Variants in ELP3 observed in about 807,000 individuals in gnomAD.
The protein encoded by ELP3 is elongator acetyltransferase complex subunit 3, also known as elongator complex protein 3.
A neutral mutation model predicts 74.9 loss-of-function variants in ELP3; 56 were observed. That is an observed-to-expected ratio of 0.75 (90% CI 0.60 to 0.93). The LOEUF is 0.93. Ranked by LOEUF, ELP3 falls within the 40% of genes least tolerant of loss-of-function variation. The pLI, the probability that ELP3 is intolerant of heterozygous loss-of-function variation, is 0.00. For missense variants in ELP3, 573 were observed against 686.5 expected, an observed-to-expected ratio of 0.83 and a Z score of 1.85; for synonymous variants, 222 against 239.8, an observed-to-expected ratio of 0.93 and a Z score of 0.68.
chr8:28,090,482 GGTGTGTGTGTGTGTGTGTGT>G, upstream of ELP3: 2 of 158,730 alleles, frequency 1.3e-5, no homozygotes, highest in Non-Finnish European at 2.6e-5. Context: ...CTGATGGGTG[GGTGTGTGTGTGTGTGTGTGT>G]GTGTGTGTGT....
intron 10 of ELP3, among the ~76,000 whole-genome samples, chr8:28,140,078 A>G (rs755430567): frequency 1.3e-5 from 2 of 151,158 alleles, no homozygotes; most frequent in Non-Finnish European, 2.9e-5. Flanking sequence ...CCTAGAACCA[A>G]TCCCCTTTGG....
intron 1 of ELP3, among the ~76,000 whole-genome samples, chr8:28,095,929 G>T (rs1164301981): frequency 2.0e-5 from 3 of 152,200 alleles, no homozygotes; most frequent in African/African-American, 4.8e-5. Context: ...TTCATGGCCT[G>T]TTAGGAGCTG....
intron 13 of ELP3, 90 bp from the exon 14 acceptor site, chr8:28,161,907 A>G (rs915071588): frequency 3.1e-6 from 4 of 1,285,578 alleles, no homozygotes; most frequent in Non-Finnish European, 4.4e-6. Flanking sequence ...TTTAGCAACT[A>G]CTAAAGTATA....
At chr8:28,159,894 C>T (rs931478155) in intron 12 of ELP3, among the ~76,000 whole-genome samples, 41 of 152,112 alleles carry the variant, frequency 2.7e-4, no homozygotes, top group African/African-American at 9.7e-4. Context: ...ACGCATGAGA[C>T]GTGATTTTGA....
At chr8:28,111,985 C>CAT (rs1443678238) in intron 6 of ELP3, among the ~76,000 whole-genome samples, 4 of 151,990 alleles carry the variant, frequency 2.6e-5, no homozygotes, top group African/African-American at 9.7e-5. Context: ...TACACACATG[C>CAT]ATATATATAG....
intron 13 of ELP3, 23 bp from the exon 14 acceptor site, chr8:28,161,974 C>G: frequency 6.2e-7 from 1 of 1,612,036 alleles, no homozygotes; most frequent in Non-Finnish European, 8.5e-7. Context: ...TTAATTCCCA[C>G]TCCCCATTGT....
chr8:28,177,199 G>A (rs944641411), intron 14 of ELP3, among the ~76,000 whole-genome samples: 1 of 152,154 alleles, frequency 6.6e-6, no homozygotes, highest in Non-Finnish European at 1.5e-5. Flanking sequence ...GAAGAACTAA[G>A]ATTATACATG....
chr8:28,099,135 G>A (rs1033559545), intron 2 of ELP3, among the ~76,000 whole-genome samples: 10 of 152,238 alleles, frequency 6.6e-5, no homozygotes, highest in Admixed American at 3.3e-4. Context: ...GATATTTCTA[G>A]ATGGATTAAA....
chr8:28,155,831 G>T lies in ELP3; in HGVS notation c.1101-111G>T, dbSNP rs1042111695. On this transcript the variant is annotated intron_variant, in intron 10 of 14. Coordinates refer to ENST00000256398, the MANE Select transcript of ELP3 (RefSeq NM_018091.6). ...TCTGATTTCCTGGTCAGCTTCATAG[G>T]TTTTTTGCTTTTTTATTTTTGTTCT... The T allele has an allele frequency of 3.7e-6, 3 of 815,304 alleles. No individual in the cohort carries two copies. The African/African-American group carries it at 5.2e-5, about 14-fold the overall frequency. 50.5% of individuals were successfully genotyped at this position (815,304 alleles called of 1,614,324 possible).
At chr8:28,156,093 A>C in intron 11 of ELP3, 61 bp downstream of exon 11, 1 of 1,434,978 alleles carries the variant, frequency 7.0e-7, no homozygotes, top group South Asian at 1.2e-5. Flanking sequence ...CTGAAACACG[A>C]AAGACTTTGC....
chr8:28,101,010 C>A (rs181265269), intron 3 of ELP3, among the ~76,000 whole-genome samples: 5 of 152,172 alleles, frequency 3.3e-5, no homozygotes, highest in Non-Finnish European at 7.4e-5. Context: ...GATCACCTTA[C>A]GTTTGTGGCT....
At chr8:28,122,785 C>T (rs1812423794) in intron 7 of ELP3, among the ~76,000 whole-genome samples, 1 of 152,112 alleles carries the variant, frequency 6.6e-6, no homozygotes, top group South Asian at 2.1e-4. Flanking sequence ...TTTTATTCTA[C>T]TTTCTTTCCG....
At chr8:28,138,772 T>A (rs1477851978) in intron 10 of ELP3, among the ~76,000 whole-genome samples, 2 of 152,226 alleles carry the variant, frequency 1.3e-5, no homozygotes, top group African/African-American at 2.4e-5. Context: ...TGCTTGAAGG[T>A]CAAAGGACAT....
chr8:28,127,692 G>A (rs1170713591), intron 7 of ELP3, among the ~76,000 whole-genome samples: 1 of 152,122 alleles, frequency 6.6e-6, no homozygotes, highest in Non-Finnish European at 1.5e-5. Flanking sequence ...TATTGTTTCA[G>A]AGAAGCCAAA....
intron 14 of ELP3, among the ~76,000 whole-genome samples, chr8:28,181,291 A>G (rs1306759506): frequency 1.3e-5 from 2 of 152,172 alleles, no homozygotes; most frequent in Non-Finnish European, 2.9e-5. Flanking sequence ...AGCTTCCATC[A>G]TTGAACCTTC....
At chr8:28,166,615 C>T (rs1236344507) in intron 14 of ELP3, among the ~76,000 whole-genome samples, 1 of 152,154 alleles carries the variant, frequency 6.6e-6, no homozygotes, top group Non-Finnish European at 1.5e-5. Context: ...AGCAGTTTTT[C>T]TGTCTCCTCT....
At chr8:28,139,638 A>G (rs1000799563) in intron 10 of ELP3, among the ~76,000 whole-genome samples, 1 of 152,184 alleles carries the variant, frequency 6.6e-6, no homozygotes, top group African/African-American at 2.4e-5. Flanking sequence ...CTTACAGTGT[A>G]TTAGATATCA....
chr8:28,183,458 G>A (rs1396938868), intron 14 of ELP3, among the ~76,000 whole-genome samples: 1 of 152,096 alleles, frequency 6.6e-6, no homozygotes, highest in African/African-American at 2.4e-5. Context: ...GAGTCTCGCT[G>A]TGTCCCCCAG....
At chr8:28,099,351 G>GCCC (rs1412034256) in intron 2 of ELP3, among the ~76,000 whole-genome samples, 2 of 152,114 alleles carry the variant, frequency 1.3e-5, no homozygotes, top group East Asian at 1.9e-4. Flanking sequence ...AGGACATTTG[G>GCCC]CAATGTCTAG....
Sources: gnomAD v4.1 joint callset for allele counts (sites outside exome capture counted in the v4.1 genomes callset) on GRCh38, gnomAD v4.1.1 for gene constraint, MANE v1.5 for transcripts, NCBI Gene and HGNC (gene_info 2026-07-23, HGNC 2026-07-21) for gene names.